The following IL1RAP variants were observed in gnomAD, a reference collection of about 807,000 sequenced individuals.
The protein encoded by IL1RAP is interleukin 1 receptor accessory protein.
IL1RAP carries 35 observed loss-of-function variants against 60.7 expected under a neutral mutation model. The observed-to-expected ratio is 0.58, with a 90% CI of 0.44 to 0.76. The LOEUF (loss-of-function observed/expected upper bound fraction) is 0.76. IL1RAP is among the 30% of genes least tolerant of loss of function. The pLI, the probability that IL1RAP is intolerant of heterozygous loss-of-function variation, is 0.00. For synonymous variants in IL1RAP, 268 were observed against 250.9 expected, an observed-to-expected ratio of 1.07 and a Z score of -0.64; for missense variants, 572 against 693.9, an observed-to-expected ratio of 0.82 and a Z score of 1.97.
intron 3 of IL1RAP, among the ~76,000 whole-genome samples, chr3:190,594,404 C>T (rs1477817005): frequency 2.6e-5 from 4 of 152,182 alleles, no homozygotes; most frequent in Admixed American, 6.6e-5. Context: ...AGGGTGTGGT[C>T]CTCATTCTTA....
At chr3:190,534,520 A>G (rs1348833414) in intron 1 of IL1RAP, among the ~76,000 whole-genome samples, 1 of 152,112 alleles carries the variant, frequency 6.6e-6, no homozygotes, top group African/African-American at 2.4e-5. Context: ...TCCCATGTAC[A>G]CCATAAATCT....
chr3:190,615,303 T>C, intron 5 of IL1RAP: 1 of 1,279,704 alleles, frequency 7.8e-7, no homozygotes, highest in Non-Finnish European at 1.0e-6. Flanking sequence ...AATGGGAGAC[T>C]GCCTTGTTTA....
chr3:190,618,822 G>A (rs933372249), intron 5 of IL1RAP, among the ~76,000 whole-genome samples: 12 of 152,086 alleles, frequency 7.9e-5, no homozygotes, highest in African/African-American at 1.7e-4. Flanking sequence ...AAAAAAATAC[G>A]TTACCCAAGC....
At chr3:190,537,675 TC>T (rs1040055510) in intron 1 of IL1RAP, among the ~76,000 whole-genome samples, 1 of 151,554 alleles carries the variant, frequency 6.6e-6, no homozygotes, top group African/African-American at 2.4e-5. Flanking sequence ...GTAATACATA[TC>T]AAAATGTAGA....
Position 190,604,282 on chromosome 3 carries a change from T to C in IL1RAP, c.219T>C (p.Thr73=), listed in dbSNP as rs1560205907. Residue 73 remains threonine (T), a synonymous_variant, in exon 4 of 12, where the codon ACT becomes ACC. Transcript: ENST00000447382. The part of the protein sequence containing the change: ...SAGLTLIWYW[T]RQDRDLEEPI... ...GCCTTACTCTGATCTGGTATTGGAC[T>C]AGGCAGGACCGGGACCTTGAGGAGC... 6.2e-7 allele frequency: 1 copy of C among 1,614,002 alleles called. No homozygotes were observed. Among genetic ancestry groups the C allele is most frequent in the Non-Finnish European group, 8.5e-7 (1 of 1,179,974 alleles).
Position 190,650,563 on chromosome 3 carries a change from G to A in IL1RAP, c.*1858G>A. 1 of 933,194 alleles carries A rather than the reference G, an allele frequency of 1.1e-6. No homozygotes were observed. Among genetic ancestry groups the A allele is most frequent in the Non-Finnish European group, 1.3e-6 (1 of 782,372 alleles). The allele number at this position is 933,194 out of a possible 1,614,324, so 57.8% of individuals were successfully genotyped here. The stretch of plus-strand genomic sequence containing the variant: ...AAGCCCTTATCCCGGTAACATGAAT[G>A]TTGATGAACAAATGTAAAATTATAT... On this transcript the variant is annotated 3_prime_UTR_variant, in exon 12 of 12. Transcript: ENST00000447382.
intron 3 of IL1RAP, among the ~76,000 whole-genome samples, chr3:190,590,459 T>G (rs1397171880): frequency 6.6e-6 from 1 of 152,132 alleles, no homozygotes; most frequent in African/African-American, 2.4e-5. Context: ...TTCACCATAT[T>G]GCCCAAGCCG....
At chr3:190,535,814 T>C (rs940567000) in intron 1 of IL1RAP, among the ~76,000 whole-genome samples, 4 of 152,138 alleles carry the variant, frequency 2.6e-5, no homozygotes, top group African/African-American at 9.7e-5. Flanking sequence ...GTCCTTTTGT[T>C]TTTCTGTCTA....
rs754642365 is a variant in IL1RAP, at chr3:190,549,947, C to A, written c.-88-6183C>A. On this transcript the variant is annotated intron_variant, in intron 1 of 11. Coordinates refer to ENST00000447382, the MANE Select transcript of IL1RAP (RefSeq NM_002182.4). Reference sequence around the variant, plus strand: ...GGCTACTCATCTAGAAAGAGGGGAGCAGGCATCCCTGGTTCCCTTCTCTTC... The same window carrying A: ...GGCTACTCATCTAGAAAGAGGGGAGAAGGCATCCCTGGTTCCCTTCTCTTC... 2.6e-5 allele frequency among the ~76,000 whole-genome samples: 4 copies of A among 152,134 alleles called. No homozygotes were observed. The East Asian group carries it at 7.7e-4, about 29-fold the overall frequency.
chr3:190,622,109 G>A (rs1022194131), intron 6 of IL1RAP, among the ~76,000 whole-genome samples: 5 of 151,972 alleles, frequency 3.3e-5, no homozygotes, highest in Admixed American at 2.0e-4. Flanking sequence ...AGACACTTTC[G>A]GTAATGTTGT....
At chr3:190,535,385 AT>A (rs2108547390) in intron 1 of IL1RAP, among the ~76,000 whole-genome samples, 1 of 152,302 alleles carries the variant, frequency 6.6e-6, no homozygotes, top group Non-Finnish European at 1.5e-5. Context: ...AAGCAAGGAG[AT>A]TTGCTAGTTT....
chr3:190,626,334 A>G (rs1354962424), intron 7 of IL1RAP, among the ~76,000 whole-genome samples: 2 of 152,220 alleles, frequency 1.3e-5, no homozygotes, highest in East Asian at 3.9e-4. Flanking sequence ...AATAACTTGT[A>G]CAAAGTTCTT....
chr3:190,644,876 G>A (rs571513293), intron 10 of IL1RAP, among the ~76,000 whole-genome samples: 1 of 152,170 alleles, frequency 6.6e-6, no homozygotes, highest in Non-Finnish European at 1.5e-5. Context: ...CATTTCGAGT[G>A]AGCAATAGAC....
At position 190,649,024 on chromosome 3, in the gene IL1RAP, A is replaced by C; in HGVS notation, c.*319A>C. 9.7e-7 allele frequency: 1 copy of C among 1,031,694 alleles called. No individual in the cohort carries two copies. The highest frequency in any genetic ancestry group is 8.6e-5 in the East Asian group (1 of 11,602). The allele number at this position is 1,031,694 out of a possible 1,614,324, so 63.9% of individuals were successfully genotyped here. Reference sequence around the variant, plus strand: ...ATGTCTCCATTCTTTTTAAAATCTTAACATATGGAGCAGCCTTTCCTATGA... The same window carrying C: ...ATGTCTCCATTCTTTTTAAAATCTTCACATATGGAGCAGCCTTTCCTATGA... On this transcript the variant is annotated 3_prime_UTR_variant, in exon 12 of 12. Coordinates refer to ENST00000447382, the MANE Select transcript of IL1RAP (RefSeq NM_002182.4).
chr3:190,549,018 G>A (rs1202852701), intron 1 of IL1RAP, among the ~76,000 whole-genome samples: 1 of 152,140 alleles, frequency 6.6e-6, no homozygotes, highest in Non-Finnish European at 1.5e-5. Context: ...ATTCTCCTTA[G>A]GGTTCTTTTC....
chr3:190,650,565 T>C lies in IL1RAP; in HGVS notation c.*1860T>C, dbSNP rs1238550110. ...GCCCTTATCCCGGTAACATGAATGTTGATGAACAAATGTAAAATTATATCC... is the reference window on the plus strand; with the variant it reads ...GCCCTTATCCCGGTAACATGAATGTCGATGAACAAATGTAAAATTATATCC... On this transcript the variant is annotated 3_prime_UTR_variant, in exon 12 of 12. Transcript: ENST00000447382. The C allele has an allele frequency of 1.1e-6, 1 of 930,246 alleles. No individual in the cohort carries two copies. Among genetic ancestry groups the C allele is most frequent in the Non-Finnish European group, 1.3e-6 (1 of 779,612 alleles). 57.6% of individuals were successfully genotyped at this position (930,246 alleles called of 1,614,324 possible).
chr3:190,644,109 C>G (rs771614013), intron 9 of IL1RAP, 139 bp from the exon 10 acceptor site: 6 of 1,428,794 alleles, frequency 4.2e-6, no homozygotes, highest in Non-Finnish European at 5.5e-6. Flanking sequence ...GTGCTAAACT[C>G]TACAATGTTA....
chr3:190,565,494 A>G (rs546261718), intron 3 of IL1RAP, among the ~76,000 whole-genome samples: 2 of 152,186 alleles, frequency 1.3e-5, no homozygotes, highest in Admixed American at 6.5e-5. Flanking sequence ...CAGCTTTTCT[A>G]TGCCACATAA....
intron 5 of IL1RAP, among the ~76,000 whole-genome samples, chr3:190,616,826 C>T (rs2161060): frequency 0.9 from 136,750 of 152,228 alleles, 61,653 homozygotes; most frequent in East Asian, 1. Flanking sequence ...GCAACACTAA[C>T]GTGTCGAGCA....
Sources: gnomAD v4.1 joint callset for allele counts (sites outside exome capture counted in the v4.1 genomes callset) on GRCh38, gnomAD v4.1.1 for gene constraint, MANE v1.5 for transcripts, NCBI Gene and HGNC (gene_info 2026-07-23, HGNC 2026-07-21) for gene names.